Variants in ARID4A observed in about 807,000 individuals in gnomAD.
The protein encoded by ARID4A is AT-rich interaction domain 4A.
Under a neutral mutation model 148.6 loss-of-function variants are expected in ARID4A, and 39 were observed. The ratio of observed to expected loss-of-function variants is 0.26; its 90% CI spans 0.20 to 0.34. ARID4A has a LOEUF of 0.34. Among genes scored for constraint, ARID4A ranks in the 10% least tolerant of loss-of-function variants. The probability of loss-of-function intolerance (pLI) is 1.00; values close to 1 mark genes in which losing one functional copy is unlikely to be tolerated. For synonymous variants in ARID4A, 475 were observed against 481.2 expected (o/e 0.99, Z 0.17); for missense variants, 1,265 against 1,449.1 (o/e 0.87, Z 2.06).
At chr14:58,341,688 G>T (rs2034125128) in intron 11 of ARID4A, among the ~76,000 whole-genome samples, 1 of 152,168 alleles carries the variant, frequency 6.6e-6, no homozygotes, top group Admixed American at 6.5e-5. Flanking sequence ...CTGAAGACAT[G>T]TGCCTAAAGT....
chr14:58,341,457 C>T (rs1205453549), intron 11 of ARID4A, among the ~76,000 whole-genome samples: 1 of 152,204 alleles, frequency 6.6e-6, no homozygotes, highest in Non-Finnish European at 1.5e-5. Flanking sequence ...CAGTTCATCT[C>T]GAGGAAAACC....
intron 7 of ARID4A, among the ~76,000 whole-genome samples, chr14:58,319,943 CT>C: frequency 7.1e-6 from 1 of 140,222 alleles, no homozygotes; most frequent in East Asian, 2.1e-4. Flanking sequence ...TAATTTTTTT[CT>C]TTTCTTTTTT....
Position 58,372,059 on chromosome 14 carries a change from C to T in ARID4A, c.*70C>T. ...AAATCCCCAAACCCTGAATTACAAC[C>T]ACAGAAAGCACTCAACTGGTTTGAC... On this transcript the variant is annotated 3_prime_UTR_variant, in exon 24 of 24. Coordinates refer to ENST00000355431, the MANE Select transcript of ARID4A (RefSeq NM_002892.4). 1 of 1,068,174 alleles carries T rather than the reference C, an allele frequency of 9.4e-7. No homozygotes were observed. The highest frequency in any genetic ancestry group is 1.3e-5 in the South Asian group (1 of 75,576). 66.2% of individuals were successfully genotyped at this position (1,068,174 alleles called of 1,614,324 possible). A position where few individuals can be genotyped will look rare whatever the true frequency, so the allele number is the denominator to read the frequency against.
At chr14:58,341,263 T>C (rs569201506) in intron 11 of ARID4A, among the ~76,000 whole-genome samples, 2 of 152,356 alleles carry the variant, frequency 1.3e-5, no homozygotes, top group South Asian at 4.1e-4. Context: ...TAATTCTCTT[T>C]AGCTGTCTCA....
intron 11 of ARID4A, among the ~76,000 whole-genome samples, chr14:58,338,828 T>C (rs2033960166): frequency 6.6e-6 from 1 of 151,984 alleles, no homozygotes. Context: ...ACAAAGTTGC[T>C]TGTGTCCAAA....
chr14:58,343,838 A>G (rs1266247460), intron 11 of ARID4A, among the ~76,000 whole-genome samples: 2 of 152,142 alleles, frequency 1.3e-5, no homozygotes, highest in Non-Finnish European at 2.9e-5. Flanking sequence ...CTCAAAAAAA[A>G]AAAAGACAAA....
At chr14:58,307,656 C>T (rs1352050631) in intron 5 of ARID4A, among the ~76,000 whole-genome samples, 1 of 152,110 alleles carries the variant, frequency 6.6e-6, no homozygotes, top group African/African-American at 2.4e-5. Flanking sequence ...CTTGTCTCTA[C>T]TAAAAATACA....
Position 58,364,823 on chromosome 14 carries a change from C to T in ARID4A, c.2734C>T (p.Pro912Ser), listed in dbSNP as rs756436163. The change falls in exon 20 of 24, where the codon CCA (proline) becomes TCA (serine). Residue 912 changes from proline to serine, a missense_variant. Physicochemically the swap from Pro to Ser is moderately conservative, Grantham distance 74. Around this residue, in one of 9 missense-constraint regions of ARID4A, gnomAD observed 666 missense variants for 730.9 expected, o/e 0.91. Coordinates refer to ENST00000355431, the MANE Select transcript of ARID4A (RefSeq NM_002892.4). ...QHFERENEGM[P>S]SLIAESNQCI... ...CTTTGAAAGAGAAAATGAAGGAATG[C>T]CATCATTGATAGCAGAGTCAAACCA... is the stretch of plus-strand genomic sequence containing the variant. The T allele has an allele frequency of 4.3e-6, 7 of 1,613,886 alleles. No homozygotes were observed. The highest frequency in any genetic ancestry group is 5.9e-6 in the Non-Finnish European group (7 of 1,180,012).
intron 8 of ARID4A, 114 bp downstream of exon 8, chr14:58,323,731 G>T: frequency 1.1e-6 from 1 of 913,118 alleles, no homozygotes; most frequent in South Asian, 1.7e-5. Flanking sequence ...GGACTTTATT[G>T]GAGATTTTTT....
intron 20 of ARID4A, 29 bp from the exon 21 acceptor site, chr14:58,365,489 T>TTTTC: frequency 1.0e-6 from 1 of 985,680 alleles, no homozygotes. Context: ...TTTTTTTTTT[T>TTTTC]CAACATTCTC....
In ARID4A at chr14:58,346,516, C is replaced by A; in HGVS notation, c.1074+11C>A. 1 of 1,575,192 alleles carries A rather than the reference C, an allele frequency of 6.3e-7. No individual in the cohort carries two copies. Among genetic ancestry groups the A allele is most frequent in the Non-Finnish European group, 8.7e-7 (1 of 1,149,108 alleles). On this transcript the variant is annotated intron_variant, in intron 13 of 23. Transcript: ENST00000355431. ...GGTGGATGTGACAATGTAAGTATAACATTGCTTTTTGAAACATGTATTGAT... is the reference window on the plus strand; with the variant it reads ...GGTGGATGTGACAATGTAAGTATAAAATTGCTTTTTGAAACATGTATTGAT...
At chr14:58,324,532 T>G (rs1002231189) in intron 8 of ARID4A, among the ~76,000 whole-genome samples, 3 of 152,216 alleles carry the variant, frequency 2.0e-5, no homozygotes, top group African/African-American at 7.2e-5. Context: ...CTTCTCACTT[T>G]GGCCTCCCAA....
Position 58,304,728 on chromosome 14 carries a change from T to A in ARID4A, c.118-216T>A, listed in dbSNP as rs560431871. 6.3e-3 allele frequency among the ~76,000 whole-genome samples: 952 copies of A among 152,260 alleles called. 14 individuals are homozygous for A. Among genetic ancestry groups the A allele is most frequent in the African/African-American group, 0.022 (909 of 41,552 alleles). ...AGTTATTAAGTGCTGATAATATGCA[T>A]TGACACTTGCTAACTGTTGGGGATA... On this transcript the variant is annotated intron_variant, in intron 3 of 23. Transcript: ENST00000355431.
intron 5 of ARID4A, among the ~76,000 whole-genome samples, chr14:58,309,363 T>A (rs1486206580): frequency 6.6e-6 from 1 of 152,238 alleles, no homozygotes; most frequent in Non-Finnish European, 1.5e-5. Context: ...AAATATTTCC[T>A]CTTCCTACCA....
At chr14:58,368,561 G>GA (rs887980194) in intron 23 of ARID4A, among the ~76,000 whole-genome samples, 4 of 150,262 alleles carry the variant, frequency 2.7e-5, no homozygotes, top group South Asian at 2.1e-4. Flanking sequence ...GGAACTGGAA[G>GA]AAAAAAAACA....
intron 8 of ARID4A, among the ~76,000 whole-genome samples, chr14:58,324,061 C>T (rs937867482): frequency 1.2e-4 from 18 of 151,930 alleles, no homozygotes; most frequent in South Asian, 1.0e-3. Flanking sequence ...CCTGCCACCA[C>T]GCCTGGCTAA....
intron 11 of ARID4A, among the ~76,000 whole-genome samples, chr14:58,342,591 G>C (rs1385634008): frequency 6.6e-6 from 1 of 152,160 alleles, no homozygotes; most frequent in Non-Finnish European, 1.5e-5. Flanking sequence ...GAATATAGAA[G>C]TGTTACCTGA....
rs1184386206 is a variant in ARID4A, at chr14:58,365,086, C to G, written c.2997C>G (p.Val999=). Residue 999 remains valine, a synonymous_variant, in exon 20 of 24, where the codon GTC becomes GTG. Transcript: ENST00000355431. ...TTCCACCTGCCCTACCTCCTGTAGTCCAACATAACTTTTCAGTAGCTTCAC... is the reference window on the plus strand; with the variant it reads ...TTCCACCTGCCCTACCTCCTGTAGTGCAACATAACTTTTCAGTAGCTTCAC... ...VSIPPALPPV[V]QHNFSVASPL... The G allele has an allele frequency of 6.2e-7, 1 of 1,613,998 alleles. No homozygotes were observed. The highest frequency in any genetic ancestry group is 2.2e-5 in the East Asian group (1 of 44,896).
intron 9 of ARID4A, among the ~76,000 whole-genome samples, chr14:58,328,654 A>C (rs1332436017): frequency 1.3e-5 from 2 of 152,018 alleles, no homozygotes; most frequent in African/African-American, 4.8e-5. Flanking sequence ...CTTATTTTTT[A>C]ATCTCTATTA....
Sources: gnomAD v4.1 joint callset for allele counts (sites outside exome capture counted in the v4.1 genomes callset) on GRCh38, gnomAD v4.1.1 for gene constraint, gnomAD v4.1.1 regional missense constraint, MANE v1.5 for transcripts, NCBI Gene and HGNC (gene_info 2026-07-23, HGNC 2026-07-21) for gene names.